Variants in FBXL7 observed in about 807,000 individuals in gnomAD.
FBXL7 encodes the protein F-box and leucine rich repeat protein 7, also known as F-box/LRR-repeat protein 7.
A neutral mutation model predicts 38.3 loss-of-function variants in FBXL7; 12 were observed. That is an observed-to-expected ratio of 0.31 (90% CI 0.20 to 0.51). The LOEUF is 0.51. FBXL7 is among the 20% of genes least tolerant of loss of function. The pLI is 0.98. For synonymous variants in FBXL7, 297 were observed against 300.9 expected, an observed-to-expected ratio of 0.99 and a Z score of 0.13; for missense variants, 567 against 676.4, an observed-to-expected ratio of 0.84 and a Z score of 1.79.
At chr5:15,796,562 T>A (rs946697179) in intron 2 of FBXL7, among the ~76,000 whole-genome samples, 3 of 152,062 alleles carry the variant, frequency 2.0e-5, no homozygotes, top group Admixed American at 6.5e-5. Context: ...ACTTCCAAAA[T>A]GAAAGTAAAA....
rs550408002 is a variant in FBXL7 at position 15,886,719 on chromosome 5, C to A, written c.128-41171C>A. Among the ~76,000 whole-genome samples, 3 of 152,256 alleles carry A rather than the reference C, an allele frequency of 2.0e-5. No individual in the cohort carries two copies. The South Asian group carries it at 6.2e-4, about 32-fold the overall frequency. On this transcript the variant is annotated intron_variant, in intron 2 of 3. Coordinates refer to ENST00000504595, the MANE Select transcript of FBXL7 (RefSeq NM_012304.5). ...ACTAGCAGGGTACAAGCAGTGTACA[C>A]GGAGCCAAGGAGAAAATCCTCTTCT... is the stretch of plus-strand genomic sequence containing the variant.
intron 2 of FBXL7, among the ~76,000 whole-genome samples, chr5:15,618,474 G>A (rs1046720192): frequency 6.6e-5 from 10 of 152,152 alleles, no homozygotes; most frequent in African/African-American, 2.4e-4. Context: ...GTGGGCACAT[G>A]TTACATTAAA....
In FBXL7 at chr5:15,862,953, C is replaced by T. The variant is rs151180145; in HGVS notation, c.128-64937C>T. ...GCTGCTCATTCCCATCTAAGAAAGC[C>T]CCTGGGGAACTCAAACATTTTACTA... On this transcript the variant is annotated intron_variant, in intron 2 of 3. Transcript: ENST00000504595. 3.0e-3 allele frequency among the ~76,000 whole-genome samples: 464 copies of T among 152,258 alleles called. 3 individuals are homozygous for T. The highest frequency in any genetic ancestry group is 0.011 in the African/African-American group (451 of 41,544).
At chr5:15,809,059 T>A (rs1398747480) in intron 2 of FBXL7, among the ~76,000 whole-genome samples, 1 of 152,186 alleles carries the variant, frequency 6.6e-6, no homozygotes, top group Non-Finnish European at 1.5e-5. Flanking sequence ...GATTTAACTC[T>A]GCAGGAATAT....
rs551470467 is a variant in FBXL7 at position 15,936,784 on chromosome 5, G to T, written c.1074G>T (p.Ala358=). 1.2e-5 allele frequency: 20 copies of T among 1,611,676 alleles called. No homozygotes were observed. Among genetic ancestry groups the T allele is most frequent in the African/African-American group, 9.3e-5 (7 of 74,902 alleles). Residue 358 remains alanine, a synonymous_variant, in exon 4 of 4, where the codon GCG becomes GCT. Transcript: ENST00000504595. The surrounding 1 kb of genome is among the most constrained non-coding windows in gnomAD (Gnocchi z 6.0). ...CCCGCCTGCGGTACCTGAGCATCGC[G>T]CACTGCGGCCGGGTCACCGACGTGG... The part of the protein sequence containing the change: ...LESRLRYLSI[A]HCGRVTDVGI...
chr5:15,695,233 T>C (rs1743298954), intron 2 of FBXL7, among the ~76,000 whole-genome samples: 1 of 152,018 alleles, frequency 6.6e-6, no homozygotes, highest in Non-Finnish European at 1.5e-5. Context: ...CTTGTGCAGT[T>C]CTAAAGCATG....
chr5:15,703,382 A>C (rs1003820113), intron 2 of FBXL7, among the ~76,000 whole-genome samples: 1 of 152,258 alleles, frequency 6.6e-6, no homozygotes, highest in South Asian at 2.1e-4. Context: ...TATGATGTGC[A>C]TGAAGAAAAC....
intron 1 of FBXL7, chr5:15,580,583 C>G: frequency 1.0e-6 from 1 of 973,352 alleles, no homozygotes; most frequent in Non-Finnish European, 1.2e-6. Flanking sequence ...TTAAACAAAT[C>G]TTGCACTATT....
chr5:15,544,477 T>C (rs943467775), intron 1 of FBXL7, among the ~76,000 whole-genome samples: 1 of 152,112 alleles, frequency 6.6e-6, no homozygotes, highest in African/African-American at 2.4e-5. Flanking sequence ...TTTCTTTGTC[T>C]GGTTTGATTT....
At chr5:15,615,281 T>C (rs1176046270) in intron 1 of FBXL7, among the ~76,000 whole-genome samples, 1 of 152,216 alleles carries the variant, frequency 6.6e-6, no homozygotes, top group African/African-American at 2.4e-5. Context: ...ACATTTGGGC[T>C]GGATAATTCT....
In FBXL7 at chr5:15,616,080, G is replaced by A; in HGVS notation, c.127+8G>A. On this transcript the variant is annotated splice_region_variant and intron_variant, in intron 2 of 3. Transcript: ENST00000504595. Reference sequence around the variant, plus strand: ...ATGTGGCTACCAGCGAAGGTAGGCAGCTGGTCTTCATTATCTCTCTTTCTT... The same window carrying A: ...ATGTGGCTACCAGCGAAGGTAGGCAACTGGTCTTCATTATCTCTCTTTCTT... 6.3e-7 allele frequency: 1 copy of A among 1,599,392 alleles called. No homozygotes were observed. The highest frequency in any genetic ancestry group is 1.1e-5 in the South Asian group (1 of 90,642).
chr5:15,646,043 A>G (rs1437278743), intron 2 of FBXL7, among the ~76,000 whole-genome samples: 2 of 152,152 alleles, frequency 1.3e-5, no homozygotes, highest in Non-Finnish European at 2.9e-5. Flanking sequence ...TTGAAACCAC[A>G]ATTAACCCAC....
chr5:15,805,347 A>T (rs1034169199), intron 2 of FBXL7, among the ~76,000 whole-genome samples: 2 of 152,126 alleles, frequency 1.3e-5, no homozygotes, highest in Admixed American at 1.3e-4. Context: ...GTGAGGAGGG[A>T]TGTTACCTCT....
chr5:15,567,931 A>C (rs949869768), intron 1 of FBXL7, among the ~76,000 whole-genome samples: 3 of 151,980 alleles, frequency 2.0e-5, no homozygotes, highest in Non-Finnish European at 2.9e-5. Context: ...TATACTCATC[A>C]TTTTTTATGG....
chr5:15,567,501 A>C (rs1738621112), intron 1 of FBXL7, among the ~76,000 whole-genome samples: 1 of 152,106 alleles, frequency 6.6e-6, no homozygotes, highest in African/African-American at 2.4e-5. Context: ...GTCTGCTTGC[A>C]CATCAGCATT....
At chr5:15,775,219 CATT>C (rs1261051867) in intron 2 of FBXL7, among the ~76,000 whole-genome samples, 5 of 152,098 alleles carry the variant, frequency 3.3e-5, no homozygotes, top group Non-Finnish European at 7.4e-5. Flanking sequence ...ATAAAAGGAT[CATT>C]ATTAGTTGAA....
chr5:15,824,707 A>G (rs1439074611), intron 2 of FBXL7, among the ~76,000 whole-genome samples: 2 of 152,194 alleles, frequency 1.3e-5, no homozygotes, highest in African/African-American at 4.8e-5. Flanking sequence ...GCTTGGTCTT[A>G]AAAAACCCAG....
intron 2 of FBXL7, among the ~76,000 whole-genome samples, chr5:15,706,159 A>T (rs1341785572): frequency 6.6e-6 from 1 of 152,144 alleles, no homozygotes; most frequent in Non-Finnish European, 1.5e-5. Context: ...TCTTACGTTG[A>T]ATAGTATTCC....
intron 1 of FBXL7, among the ~76,000 whole-genome samples, chr5:15,530,613 A>G (rs1428774592): frequency 1.3e-5 from 2 of 152,184 alleles, no homozygotes; most frequent in Non-Finnish European, 2.9e-5. Context: ...AAAAGCTGTT[A>G]TGGTTATCGT....
Sources: allele counts gnomAD v4.1 joint callset (sites outside exome capture counted in the v4.1 genomes callset), GRCh38; gene constraint gnomAD v4.1.1; non-coding constraint Gnocchi (gnomAD v3.1); transcripts MANE v1.5; gene names NCBI Gene and HGNC (gene_info 2026-07-23, HGNC 2026-07-21).